IGF2R: variants seen among roughly 807,000 people sequenced by gnomAD.
IGF2R encodes insulin like growth factor 2 receptor.
IGF2R carries 91 observed loss-of-function variants against 270.6 expected under a neutral mutation model. The observed-to-expected ratio is 0.34, with a 90% CI of 0.28 to 0.40. IGF2R has a LOEUF of 0.40. Ranked by LOEUF, IGF2R falls within the 10% of genes least tolerant of loss-of-function variation. The pLI, the probability that IGF2R is intolerant of heterozygous loss-of-function variation, is 1.00. For missense variants in IGF2R, 2,805 were observed against 3,188.3 expected, an observed-to-expected ratio of 0.88 and a Z score of 2.90; for synonymous variants, 1,316 against 1,258.9, an observed-to-expected ratio of 1.05 and a Z score of -0.96.
rs957914140 is a variant in IGF2R, at chr6:159,992,106, G to A, written c.289+783G>A. Among the ~76,000 whole-genome samples, 5 of 152,280 alleles carry A rather than the reference G, an allele frequency of 3.3e-5. No homozygotes were observed. In the South Asian group the frequency reaches 1.0e-3, roughly 32 times the overall value. Reference sequence around the variant, plus strand: ...TGAGGTTTGACCACAATGGATGCTCGTGACATAGAGATGGTATATGACTAG... The same window carrying A: ...TGAGGTTTGACCACAATGGATGCTCATGACATAGAGATGGTATATGACTAG... On this transcript the variant is annotated intron_variant, in intron 2 of 47. Coordinates refer to ENST00000356956, the MANE Select transcript of IGF2R (RefSeq NM_000876.4).
At chr6:160,078,164 A>G (rs1778894682) in intron 36 of IGF2R, 37 bp from the exon 37 acceptor site, 1 of 1,609,556 alleles carries the variant, frequency 6.2e-7, no homozygotes, top group South Asian at 1.1e-5. Flanking sequence ...TCCCTATGCC[A>G]TGGGGTTTTT....
intron 10 of IGF2R, among the ~76,000 whole-genome samples, chr6:160,037,576 G>A (rs1476577494): frequency 1.3e-5 from 2 of 152,146 alleles, no homozygotes; most frequent in Non-Finnish European, 2.9e-5. Flanking sequence ...GGATGCAAGC[G>A]CATCTTTTGG....
In IGF2R at chr6:160,105,307, C is replaced by T. The variant is rs8191956; in HGVS notation, c.*223C>T. On this transcript the variant is annotated 3_prime_UTR_variant, in exon 48 of 48. Coordinates refer to ENST00000356956, the MANE Select transcript of IGF2R (RefSeq NM_000876.4). The stretch of plus-strand genomic sequence containing the variant: ...GGCATGGCTCAGATCGGCCACAGGG[C>T]GGTACCTTGTGCCCAGGGTTTTGCC... 5.0e-4 allele frequency: 252 copies of T among 505,766 alleles called. 1 individual carries two copies. Among genetic ancestry groups the T allele is most frequent in the African/African-American group, 3.1e-3 (161 of 52,564 alleles). 31.3% of individuals were successfully genotyped at this position (505,766 alleles called of 1,614,324 possible). A position where few individuals can be genotyped will look rare whatever the true frequency, so the allele number is the denominator to read the frequency against.
chr6:160,027,219 C>T lies in IGF2R; in HGVS notation c.681C>T (p.Ala227=), dbSNP rs1230990975. 26 of 1,614,144 alleles carry T rather than the reference C, an allele frequency of 1.6e-5. No individual in the cohort carries two copies. Among genetic ancestry groups the T allele is most frequent in the Non-Finnish European group, 1.9e-5 (22 of 1,180,044 alleles). Residue 227 remains alanine, a synonymous_variant, in exon 6 of 48, where the codon GCC becomes GCT. Transcript: ENST00000356956. ...GAGACCCAGGTTCACAGCTGCGGGC[C>T]TGTCCCCCCGGCACTGCCGCCTGCC... is the stretch of plus-strand genomic sequence containing the variant. ...TLRDPGSQLR[A]CPPGTAACLV...
chr6:160,045,713 T>A (rs759822839), intron 13 of IGF2R, 32 bp from the exon 14 acceptor site: 1 of 1,613,270 alleles, frequency 6.2e-7, no homozygotes, highest in South Asian at 1.1e-5. Flanking sequence ...ATGAACGGAT[T>A]AGTGATCCCC....
chr6:160,020,830 T>C (rs1422416605), intron 4 of IGF2R, among the ~76,000 whole-genome samples: 2 of 152,202 alleles, frequency 1.3e-5, no homozygotes, highest in Non-Finnish European at 2.9e-5. Context: ...AAGGCCTGCC[T>C]GAAACTATAA....
intron 21 of IGF2R, 95 bp downstream of exon 21, chr6:160,058,219 C>A: frequency 1.2e-6 from 1 of 809,388 alleles, no homozygotes; most frequent in Non-Finnish European, 2.2e-6. Flanking sequence ...GAGAATTGCC[C>A]AGGCCACTGT....
intron 26 of IGF2R, among the ~76,000 whole-genome samples, chr6:160,063,039 GT>G (rs35789923): frequency 1.5e-3 from 202 of 131,230 alleles, no homozygotes; most frequent in Non-Finnish European, 1.4e-3. Context: ...AATTGTAAAA[GT>G]TTTTTTTTTT....
Position 160,106,018 on chromosome 6 carries a change from A to G in IGF2R, c.*934A>G, listed in dbSNP as rs1779610638. 6.6e-6 allele frequency: 1 copy of G among 152,248 alleles called. No homozygotes were observed. The highest frequency in any genetic ancestry group is 6.6e-5 in the Admixed American group (1 of 15,254). 9.4% of individuals were successfully genotyped at this position (152,248 alleles called of 1,614,324 possible). A position where few individuals can be genotyped will look rare whatever the true frequency, so the allele number is the denominator to read the frequency against. ...TCTCATCTCTTCAGGTTCTCATGAT[A>G]CCACCTTTACTGTGCTTATTTTTTT... is the stretch of plus-strand genomic sequence containing the variant. On this transcript the variant is annotated 3_prime_UTR_variant, in exon 48 of 48. Coordinates refer to ENST00000356956, the MANE Select transcript of IGF2R (RefSeq NM_000876.4).
In IGF2R at chr6:159,998,982, T is replaced by A. The variant is rs893916748; in HGVS notation, c.289+7659T>A. Among the ~76,000 whole-genome samples the A allele has an allele frequency of 6.6e-6, 1 of 152,226 alleles. No homozygotes were observed. The highest frequency in any genetic ancestry group is 1.5e-5 in the Non-Finnish European group (1 of 68,040). ...TGAAGAAATGGAAGCGCAAAATGGA[T>A]CTGTGTTCTACAGTGGGCAGGTCTG... On this transcript the variant is annotated intron_variant, in intron 2 of 47. Coordinates refer to ENST00000356956, the MANE Select transcript of IGF2R (RefSeq NM_000876.4). This position sits in a 1 kb window ranked among gnomAD's most constrained non-coding sequence, Gnocchi z 4.1.
chr6:160,071,248 C>T (rs1562367027), intron 31 of IGF2R, among the ~76,000 whole-genome samples: 2 of 133,280 alleles, frequency 1.5e-5, no homozygotes, highest in Admixed American at 7.2e-5. Flanking sequence ...TGTCGAGGCC[C>T]CTGTGCCCAG....
chr6:159,989,563 G>T (rs1356014350), intron 1 of IGF2R, among the ~76,000 whole-genome samples: 7 of 152,180 alleles, frequency 4.6e-5, no homozygotes, highest in Non-Finnish European at 1.0e-4. Context: ...TAGCAATACT[G>T]TTGAGTTAAA....
intron 39 of IGF2R, 30 bp from the exon 40 acceptor site, chr6:160,083,920 A>C (rs1779040401): frequency 6.9e-7 from 1 of 1,448,346 alleles, no homozygotes; most frequent in African/African-American, 1.4e-5. Flanking sequence ...TGACAGTCTG[A>C]TCTCTCTCTC....
rs1779658678 is a variant in IGF2R at position 160,107,994 on chromosome 6, A to G, written c.*2910A>G. The G allele has an allele frequency of 2.0e-5, 3 of 152,256 alleles. No homozygotes were observed. The highest frequency in any genetic ancestry group is 1.3e-4 in the Admixed American group (2 of 15,288). The allele number at this position is 152,256 out of a possible 1,614,324, so 9.4% of individuals were successfully genotyped here. ...ACTTTGGGCTGGTCCGATCCATTGT[A>G]CAAGTTAAAGCACTGATGGGTACAC... is the stretch of plus-strand genomic sequence containing the variant. On this transcript the variant is annotated 3_prime_UTR_variant, in exon 48 of 48. Transcript: ENST00000356956.
Position 160,105,078 on chromosome 6 carries a change from C to A in IGF2R, c.7470C>A (p.His2490Gln). 2.5e-6 allele frequency: 4 copies of A among 1,573,868 alleles called. No homozygotes were observed. The highest frequency in any genetic ancestry group is 3.5e-6 in the Non-Finnish European group (4 of 1,159,126). Residue 2490 changes from histidine to glutamine, a missense_variant, in exon 48 of 48, where the codon CAC (histidine) becomes CAA (glutamine). By Grantham distance (24) the His-to-Gln change is conservative. This residue lies in a region of IGF2R where 1,851 missense variants were observed against 2,207.2 expected (regional missense o/e 0.84). Coordinates refer to ENST00000356956, the MANE Select transcript of IGF2R (RefSeq NM_000876.4). ...ACGACAGCGACGAGGACCTCTTACACATCTGACTCCGCAGTGCCTGCAGGG... is the reference window on the plus strand; with the variant it reads ...ACGACAGCGACGAGGACCTCTTACAAATCTGACTCCGCAGTGCCTGCAGGG... Reference protein sequence around the residue: ...FHDDSDEDLLHI With the variant: ...FHDDSDEDLLQI
intron 26 of IGF2R, among the ~76,000 whole-genome samples, chr6:160,063,108 G>T (rs940159444): frequency 6.6e-6 from 1 of 150,728 alleles, no homozygotes; most frequent in African/African-American, 2.4e-5. Flanking sequence ...CGCCATCTCG[G>T]CTCACTGCAA....
intron 1 of IGF2R, among the ~76,000 whole-genome samples, chr6:159,989,317 G>A (rs376794165): frequency 5.3e-5 from 8 of 151,988 alleles, no homozygotes; most frequent in South Asian, 2.1e-4. Context: ...GAGGGCACGT[G>A]GGGGGGCCTG....
At position 160,045,784 on chromosome 6, in the gene IGF2R, A is replaced by G. The variant is rs1397955446; in HGVS notation, c.1805A>G (p.Glu602Gly). 6.2e-7 allele frequency: 1 copy of G among 1,613,904 alleles called. No homozygotes were observed. Among genetic ancestry groups the G allele is most frequent in the Non-Finnish European group, 8.5e-7 (1 of 1,179,964 alleles). ...GCACCAGTGTTGAGAACTTCTGGGG[A>G]AGGCGGTTGCTTTTATGAGTTTGAG... ...ESAPVLRTSG[E>G]GGCFYEFEWH... The change falls in exon 14 of 48, where the codon GAA becomes GGA. Residue 602 changes from glutamate to glycine, a missense_variant. This residue lies in a region of IGF2R where 954 missense variants were observed against 981.1 expected (regional missense o/e 0.97). Coordinates refer to ENST00000356956, the MANE Select transcript of IGF2R (RefSeq NM_000876.4).
chr6:160,020,586 G>GAAAA (rs1394102886), intron 4 of IGF2R, among the ~76,000 whole-genome samples: 1 of 152,124 alleles, frequency 6.6e-6, no homozygotes, highest in African/African-American at 2.4e-5. Context: ...AGTACTGATA[G>GAAAA]AAAAATAGAC....
Sources: allele counts gnomAD v4.1 joint callset (sites outside exome capture counted in the v4.1 genomes callset), GRCh38; gene constraint gnomAD v4.1.1; regional missense constraint gnomAD v4.1.1; non-coding constraint Gnocchi (gnomAD v3.1); transcripts MANE v1.5; gene names NCBI Gene and HGNC (gene_info 2026-07-23, HGNC 2026-07-21).